Variants in SNX13 observed in about 807,000 individuals in gnomAD.
SNX13 encodes the protein sorting nexin 13.
Under a neutral mutation model 133.6 loss-of-function variants are expected in SNX13, and 45 were observed. The ratio of observed to expected loss-of-function variants is 0.34; its 90% CI spans 0.27 to 0.43. The LOEUF is 0.43. SNX13 is among the 20% of genes least tolerant of loss of function. SNX13 has a pLI of 1.00. For synonymous variants in SNX13, 414 were observed against 373.9 expected (o/e 1.11, Z -1.24); for missense variants, 1,032 against 1,145.1 (o/e 0.90, Z 1.43).
intron 1 of SNX13, among the ~76,000 whole-genome samples, chr7:17,917,194 C>G (rs1799654702): frequency 6.6e-6 from 1 of 152,110 alleles, no homozygotes; most frequent in African/African-American, 2.4e-5. Context: ...TATGACACAC[C>G]CACAGCCAAC....
intron 1 of SNX13, among the ~76,000 whole-genome samples, chr7:17,930,313 A>G (rs898776744): frequency 5.3e-5 from 8 of 152,188 alleles, no homozygotes; most frequent in Non-Finnish European, 1.2e-4. Flanking sequence ...GGAATCGAGA[A>G]AACTTAGATT....
At chr7:17,840,519 G>C (rs557645901) in intron 12 of SNX13, among the ~76,000 whole-genome samples, 1 of 151,796 alleles carries the variant, frequency 6.6e-6, no homozygotes, top group African/African-American at 2.4e-5. Flanking sequence ...GAACAAAAAC[G>C]ATACAAACAG....
Position 17,812,415 on chromosome 7 carries a change from T to G in SNX13, c.2064+2419A>C, listed in dbSNP as rs912092246. On this transcript the variant is annotated intron_variant, in intron 20 of 25. Transcript: ENST00000428135. ...AAAAAAAGCTCAACATCACTGGTCA[T>G]TAGAGAAATGCATATCAAACCACAA... 1.2e-4 allele frequency among the ~76,000 whole-genome samples: 18 copies of G among 152,150 alleles called. No individual in the cohort carries two copies. In the East Asian group the frequency reaches 1.5e-3, roughly 13 times the overall value.
intron 15 of SNX13, 36 bp downstream of exon 15, chr7:17,834,016 A>G (rs760022302): frequency 5.8e-6 from 8 of 1,380,694 alleles, no homozygotes; most frequent in Non-Finnish European, 7.6e-6. Context: ...ATATAAATAT[A>G]TATGCATATT....
intron 1 of SNX13, among the ~76,000 whole-genome samples, chr7:17,906,649 G>A (rs1798430883): frequency 6.6e-6 from 1 of 151,980 alleles, no homozygotes; most frequent in African/African-American, 2.4e-5. Flanking sequence ...ATAATATCTT[G>A]TGACACATTT....
At chr7:17,834,928 G>T in intron 13 of SNX13, 63 bp from the exon 14 acceptor site, 1 of 949,116 alleles carries the variant, frequency 1.1e-6, no homozygotes, top group Non-Finnish European at 1.6e-6. Context: ...ATACTTGATA[G>T]TATGATAATA....
intron 5 of SNX13, among the ~76,000 whole-genome samples, chr7:17,887,022 AC>A (rs1562470672): frequency 6.6e-6 from 1 of 152,088 alleles, no homozygotes; most frequent in South Asian, 2.1e-4. Flanking sequence ...TGTGTACACA[AC>A]CTAGGAACAT....
At chr7:17,830,481 G>C in intron 15 of SNX13, 1 of 983,714 alleles carries the variant, frequency 1.0e-6, no homozygotes, top group East Asian at 1.1e-4. Context: ...TGTACTGTGA[G>C]GGATAAACAG....
At chr7:17,894,292 C>T (rs1796966271) in intron 2 of SNX13, among the ~76,000 whole-genome samples, 1 of 150,616 alleles carries the variant, frequency 6.6e-6, no homozygotes, top group African/African-American at 2.4e-5. Flanking sequence ...GTAAGACTCG[C>T]CTCAAAAAAA....
At chr7:17,894,008 T>TAAAAAAAAATC in intron 2 of SNX13, among the ~76,000 whole-genome samples, 1 of 137,766 alleles carries the variant, frequency 7.3e-6, no homozygotes, top group East Asian at 2.2e-4. Flanking sequence ...TTTTCAAACT[T>TAAAAAAAAATC]AAAAAAAAAT....
rs1800218783 is a variant in SNX13 at position 17,922,396 on chromosome 7, A to G, written c.12+17888T>C. ...CCCTCATGTATATACCACATACTGT[A>G]AGTCTCCTGAGGGCATAAACTGTGT... On this transcript the variant is annotated intron_variant, in intron 1 of 25. Transcript: ENST00000428135. Among the ~76,000 whole-genome samples, 2 of 152,182 alleles carry G rather than the reference A, an allele frequency of 1.3e-5. 1 individual carries two copies. The highest frequency in any genetic ancestry group is 4.1e-4 in the South Asian group (2 of 4,832).
intron 21 of SNX13, among the ~76,000 whole-genome samples, chr7:17,803,131 T>C (rs1008995310): frequency 1.8e-4 from 28 of 152,166 alleles, no homozygotes; most frequent in African/African-American, 6.8e-4. Flanking sequence ...AATGGCATAA[T>C]GAAATAAAAC....
At position 17,891,205 on chromosome 7, in the gene SNX13, G is replaced by C. The variant is rs573284117; in HGVS notation, c.318+341C>G. ...GATATTTCTTTTCCATTTTTTAAAAGGTAACAAGTAGGAAAAAAAGTCTGA... is the reference window on the plus strand; with the variant it reads ...GATATTTCTTTTCCATTTTTTAAAACGTAACAAGTAGGAAAAAAAGTCTGA... On this transcript the variant is annotated intron_variant, in intron 4 of 25. Transcript: ENST00000428135. Among the ~76,000 whole-genome samples, 14 of 151,786 alleles carry C rather than the reference G, an allele frequency of 9.2e-5. No homozygotes were observed. The South Asian group carries it at 2.9e-3, about 32-fold the overall frequency.
chr7:17,820,056 T>TA (rs1422099188), intron 18 of SNX13, among the ~76,000 whole-genome samples: 2 of 152,302 alleles, frequency 1.3e-5, no homozygotes, highest in East Asian at 1.9e-4. Context: ...ACTGTCCTCT[T>TA]AAAGTTTTCT....
chr7:17,902,604 G>A (rs1797954706), intron 1 of SNX13, among the ~76,000 whole-genome samples: 1 of 152,060 alleles, frequency 6.6e-6, no homozygotes, highest in African/African-American at 2.4e-5. Flanking sequence ...ATAAAATTTA[G>A]GGTAATTTTC....
intron 8 of SNX13, among the ~76,000 whole-genome samples, chr7:17,868,789 T>A (rs995789036): frequency 6.6e-6 from 1 of 152,050 alleles, no homozygotes; most frequent in Non-Finnish European, 1.5e-5. Flanking sequence ...AGACAAAATA[T>A]AAGACTAACA....
chr7:17,826,796 T>C (rs964134182), intron 16 of SNX13, among the ~76,000 whole-genome samples: 1 of 152,098 alleles, frequency 6.6e-6, no homozygotes, highest in African/African-American at 2.4e-5. Flanking sequence ...AAAATGTTTT[T>C]GCCACATACA....
intron 8 of SNX13, among the ~76,000 whole-genome samples, chr7:17,872,493 C>T (rs1030249259): frequency 1.3e-5 from 2 of 152,164 alleles, no homozygotes; most frequent in African/African-American, 2.4e-5. Context: ...TAGTGATAGA[C>T]ATCCAGGTAC....
intron 20 of SNX13, among the ~76,000 whole-genome samples, chr7:17,807,940 A>G (rs184757959): frequency 1.0e-3 from 153 of 152,278 alleles, no homozygotes; most frequent in Admixed American, 2.9e-3. Context: ...CCACACAGAA[A>G]CCCATCTGAA....
Sources: allele counts gnomAD v4.1 joint callset (sites outside exome capture counted in the v4.1 genomes callset), GRCh38; gene constraint gnomAD v4.1.1; transcripts MANE v1.5; gene names NCBI Gene and HGNC (gene_info 2026-07-23, HGNC 2026-07-21).